Variants in CNTLN observed in about 807,000 individuals in gnomAD.
The protein encoded by CNTLN is centlein, centrosomal protein.
Under a neutral mutation model 180.0 loss-of-function variants are expected in CNTLN, and 212 were observed. The observed-to-expected ratio is 1.18, with a 90% confidence interval of 1.05 to 1.32. The LOEUF is 1.32. Ranked by LOEUF, CNTLN falls within the 40% of genes most tolerant of loss-of-function variation. The pLI, the probability that CNTLN is intolerant of heterozygous loss-of-function variation, is 0.00. For missense variants in CNTLN, 2,095 were observed against 1,610.9 expected (o/e 1.30, Z -5.14); for synonymous variants, 722 against 563.1 (o/e 1.28, Z -3.99).
chr9:17,243,656 C>T (rs1040723183), intron 5 of CNTLN, among the ~76,000 whole-genome samples: 1 of 152,078 alleles, frequency 6.6e-6, no homozygotes, highest in South Asian at 2.1e-4. Flanking sequence ...TAGTTTTATT[C>T]CACTGTGGTC....
intron 2 of CNTLN, among the ~76,000 whole-genome samples, chr9:17,176,285 A>T (rs1820713142): frequency 6.7e-6 from 1 of 149,504 alleles, no homozygotes; most frequent in Non-Finnish European, 1.5e-5. Context: ...ATTGCTGATA[A>T]TTTTTTTTTT....
intron 2 of CNTLN, among the ~76,000 whole-genome samples, chr9:17,185,402 T>C (rs995306424): frequency 6.6e-6 from 1 of 152,210 alleles, no homozygotes; most frequent in Non-Finnish European, 1.5e-5. Flanking sequence ...AATAATACAT[T>C]CCTAACTAGC....
intron 12 of CNTLN, among the ~76,000 whole-genome samples, chr9:17,363,162 C>G (rs895420592): frequency 2.0e-5 from 3 of 152,092 alleles, no homozygotes; most frequent in African/African-American, 7.2e-5. Context: ...TGGTTCCAAG[C>G]CTTTGCTATT....
At chr9:17,506,992 C>T (rs1424848978), downstream of CNTLN, among the ~76,000 whole-genome samples, 1 of 151,992 alleles carries the variant, frequency 6.6e-6, no homozygotes, top group Non-Finnish European at 1.5e-5. Flanking sequence ...ATTCAAAATC[C>T]TGTCTTTATT....
At chr9:17,171,363 G>A (rs1466435291) in intron 2 of CNTLN, among the ~76,000 whole-genome samples, 1 of 151,996 alleles carries the variant, frequency 6.6e-6, no homozygotes, top group Non-Finnish European at 1.5e-5. Flanking sequence ...GCTGGATGAG[G>A]TGCCATGGTT....
At chr9:17,137,983 G>A (rs1241330113) in intron 1 of CNTLN, among the ~76,000 whole-genome samples, 2 of 152,164 alleles carry the variant, frequency 1.3e-5, no homozygotes, top group African/African-American at 4.8e-5. Context: ...TAATTTCAAT[G>A]AGGGAAGAAA....
intron 2 of CNTLN, among the ~76,000 whole-genome samples, chr9:17,212,977 C>G (rs1433259419): frequency 6.6e-6 from 1 of 152,062 alleles, no homozygotes; most frequent in Non-Finnish European, 1.5e-5. Flanking sequence ...AGCGGTCTAT[C>G]AATTTTGTGG....
chr9:17,441,505 A>G (rs1358272281), intron 18 of CNTLN, among the ~76,000 whole-genome samples: 2 of 152,012 alleles, frequency 1.3e-5, no homozygotes. Context: ...TAAACAATAT[A>G]TTTTATGTAA....
At chr9:17,263,577 CA>C in intron 5 of CNTLN, among the ~76,000 whole-genome samples, 1 of 151,074 alleles carries the variant, frequency 6.6e-6, no homozygotes, top group South Asian at 2.1e-4. Flanking sequence ...ATGGCTGGGT[CA>C]AATGGTATTT....
intron 15 of CNTLN, among the ~76,000 whole-genome samples, chr9:17,408,572 C>T (rs111425840): frequency 1.1e-4 from 16 of 151,864 alleles, no homozygotes; most frequent in Admixed American, 3.3e-4. Context: ...GAGGCTGAGA[C>T]GGGCAGATCA....
At chr9:17,267,105 C>T (rs1037713914) in intron 5 of CNTLN, among the ~76,000 whole-genome samples, 13 of 152,006 alleles carry the variant, frequency 8.6e-5, no homozygotes, top group African/African-American at 1.7e-4. Flanking sequence ...TTATTTTGCT[C>T]GTTAGTTGAT....
At chr9:17,254,293 T>C (rs1392516913) in intron 5 of CNTLN, among the ~76,000 whole-genome samples, 1 of 151,662 alleles carries the variant, frequency 6.6e-6, no homozygotes, top group East Asian at 1.9e-4. Context: ...TAGTACCATC[T>C]GTATGCTTTT....
chr9:17,368,293 T>A (rs1330546777), intron 13 of CNTLN, among the ~76,000 whole-genome samples: 1 of 152,102 alleles, frequency 6.6e-6, no homozygotes, highest in Non-Finnish European at 1.5e-5. Flanking sequence ...TGGGAAGGAC[T>A]GTGTCTGGTG....
At chr9:17,239,740 G>A (rs1478693973) in intron 5 of CNTLN, among the ~76,000 whole-genome samples, 1 of 152,068 alleles carries the variant, frequency 6.6e-6, no homozygotes, top group African/African-American at 2.4e-5. Flanking sequence ...TTTCCCCACT[G>A]AATTGTCTTG....
intron 5 of CNTLN, among the ~76,000 whole-genome samples, chr9:17,269,633 C>T (rs1235925467): frequency 6.6e-6 from 1 of 152,034 alleles, no homozygotes; most frequent in African/African-American, 2.4e-5. Context: ...AGAAAAAATA[C>T]TTTATATAAT....
At chr9:17,463,049 G>T (rs779269184) in intron 20 of CNTLN, 36 bp downstream of exon 20, 1 of 1,291,054 alleles carries the variant, frequency 7.7e-7, no homozygotes, top group Admixed American at 2.1e-5. Flanking sequence ...TGTATTTGGT[G>T]CCACCTAGTG....
intron 2 of CNTLN, among the ~76,000 whole-genome samples, chr9:17,194,551 C>A (rs1160080519): frequency 6.6e-6 from 1 of 152,216 alleles, no homozygotes; most frequent in Non-Finnish European, 1.5e-5. Context: ...TCGGAGACCA[C>A]CTCAGCCTAG....
chr9:17,236,488 T>C lies in CNTLN; in HGVS notation c.749T>C (p.Leu250Ser). ...AATCTGGAGGAGGAAAACAAGAAAT[T>C]AAGTACCCGCTGCACTGACCTGCTA... ...IKNLEEENKK[L>S]STRCTDLLND... The change falls in exon 5 of 26, where the codon TTA becomes TCA. Residue 250 changes from leucine (L) to serine (S), a missense_variant. Leu to Ser is a moderately radical substitution (Grantham distance 145). Transcript: ENST00000380647. 1.2e-6 allele frequency: 2 copies of C among 1,613,554 alleles called. No individual in the cohort carries two copies.
intron 2 of CNTLN, among the ~76,000 whole-genome samples, chr9:17,164,541 T>C (rs1257802252): frequency 8.0e-5 from 11 of 137,180 alleles, no homozygotes; most frequent in Admixed American, 1.6e-4. Context: ...CTCGGCTCAC[T>C]GTGACCTCTG....
Sources: allele counts gnomAD v4.1 joint callset (sites outside exome capture counted in the v4.1 genomes callset), GRCh38; gene constraint gnomAD v4.1.1; transcripts MANE v1.5; gene names NCBI Gene and HGNC (gene_info 2026-07-23, HGNC 2026-07-21).